Variants in AP3B1 observed in about 807,000 individuals in gnomAD.
The protein encoded by AP3B1 is AP-3 complex subunit beta-1.
Under a neutral mutation model 132.5 loss-of-function variants are expected in AP3B1, and 61 were observed. That is an observed-to-expected ratio of 0.46 (90% CI 0.37 to 0.57). The LOEUF (loss-of-function observed/expected upper bound fraction) is 0.57. Among genes scored for constraint, AP3B1 ranks in the 20% least tolerant of loss-of-function variants. AP3B1 has a pLI of 0.00. For synonymous variants in AP3B1, 388 were observed against 438.3 expected (o/e 0.89, Z 1.43); for missense variants, 1,120 against 1,289.4 (o/e 0.87, Z 2.01).
chr5:78,062,751 G>A (rs1009228317), intron 22 of AP3B1, among the ~76,000 whole-genome samples: 1 of 152,188 alleles, frequency 6.6e-6, no homozygotes. Flanking sequence ...CTTTTGGTGA[G>A]TGGCAGTTCA....
At chr5:78,168,025 A>C (rs561981881) in intron 11 of AP3B1, among the ~76,000 whole-genome samples, 7 of 151,590 alleles carry the variant, frequency 4.6e-5, no homozygotes, top group Non-Finnish European at 1.0e-4. Flanking sequence ...AAAAAAAAAA[A>C]AAACAAAAAA....
intron 22 of AP3B1, among the ~76,000 whole-genome samples, chr5:78,075,648 T>C (rs1174557660): frequency 1.3e-5 from 2 of 152,240 alleles, no homozygotes; most frequent in African/African-American, 4.8e-5. Flanking sequence ...CTACATTTGC[T>C]TTGTGGCTTT....
intron 7 of AP3B1, among the ~76,000 whole-genome samples, chr5:78,190,134 T>G (rs1744769423): frequency 6.6e-6 from 1 of 152,108 alleles, no homozygotes; most frequent in South Asian, 2.1e-4. Flanking sequence ...AAAGTTTTTA[T>G]AATGGGATTA....
At chr5:78,216,338 T>A in intron 6 of AP3B1, 101 bp from the exon 7 acceptor site, 2 of 1,066,506 alleles carry the variant, frequency 1.9e-6, no homozygotes, top group Non-Finnish European at 2.8e-6. Context: ...CAATCAGTAT[T>A]AAAGTATTCA....
chr5:78,217,125 T>G (rs1000328288), intron 6 of AP3B1, among the ~76,000 whole-genome samples: 56 of 152,176 alleles, frequency 3.7e-4, no homozygotes, highest in Non-Finnish European at 8.8e-5. Flanking sequence ...TTCACTTTAG[T>G]GTCTAAAATT....
intron 22 of AP3B1, among the ~76,000 whole-genome samples, chr5:78,070,829 G>A (rs1248006796): frequency 3.3e-5 from 5 of 151,984 alleles, no homozygotes; most frequent in East Asian, 1.9e-4. Flanking sequence ...ATCACTGATC[G>A]TTAGAGAAAT....
At chr5:78,043,779 G>A in intron 22 of AP3B1, 2 of 372,208 alleles carry the variant, frequency 5.4e-6, no homozygotes, top group South Asian at 5.0e-5. Context: ...GCCCAATCAT[G>A]GAGATATCTA....
At chr5:78,108,981 G>A (rs1482201754) in intron 20 of AP3B1, among the ~76,000 whole-genome samples, 1 of 151,918 alleles carries the variant, frequency 6.6e-6, no homozygotes, top group African/African-American at 2.4e-5. Flanking sequence ...CTTACTCTGG[G>A]TTGTATTTAC....
chr5:78,282,510 A>T (rs969691162), intron 1 of AP3B1, among the ~76,000 whole-genome samples: 2 of 152,224 alleles, frequency 1.3e-5, no homozygotes, highest in Non-Finnish European at 2.9e-5. Flanking sequence ...GTGCACATTA[A>T]AGGTACTTTG....
chr5:78,036,706 T>C (rs981189564), intron 23 of AP3B1, among the ~76,000 whole-genome samples: 12 of 152,106 alleles, frequency 7.9e-5, no homozygotes, highest in Non-Finnish European at 1.6e-4. Flanking sequence ...AAAAAAGTCA[T>C]TGCACATTAC....
intron 11 of AP3B1, among the ~76,000 whole-genome samples, chr5:78,174,042 T>G (rs1448702498): frequency 6.6e-6 from 1 of 152,214 alleles, no homozygotes; most frequent in Non-Finnish European, 1.5e-5. Context: ...ACAGGTCATT[T>G]AAGGTGTTCT....
chr5:78,022,219 G>A (rs1234936585), intron 24 of AP3B1, among the ~76,000 whole-genome samples: 3 of 152,132 alleles, frequency 2.0e-5, no homozygotes, highest in Non-Finnish European at 2.9e-5. Context: ...CCTATGTAGT[G>A]TGTGAATATC....
intron 3 of AP3B1, among the ~76,000 whole-genome samples, chr5:78,235,898 C>T (rs1746856228): frequency 6.6e-6 from 1 of 152,202 alleles, no homozygotes; most frequent in South Asian, 2.1e-4. Context: ...AGATGACGTA[C>T]AGCTCACCTG....
At chr5:78,283,296 T>C (rs74564020) in intron 1 of AP3B1, among the ~76,000 whole-genome samples, 3,415 of 152,274 alleles carry the variant, frequency 0.022, 130 homozygotes, top group African/African-American at 0.075. Context: ...CTAACCGTCA[T>C]ACCACACTGT....
At chr5:78,095,865 G>A (rs1049545359) in intron 21 of AP3B1, among the ~76,000 whole-genome samples, 1 of 152,158 alleles carries the variant, frequency 6.6e-6, no homozygotes, top group Non-Finnish European at 1.5e-5. Context: ...TAAAGAAATA[G>A]CACTTGGGTA....
chr5:78,119,028 T>C (rs1365184966), intron 17 of AP3B1, among the ~76,000 whole-genome samples: 4 of 152,170 alleles, frequency 2.6e-5, no homozygotes, highest in African/African-American at 9.7e-5. Context: ...ATATCCGCTG[T>C]TCTATAGCCA....
intron 2 of AP3B1, among the ~76,000 whole-genome samples, chr5:78,259,246 C>CA (rs58069551): frequency 0.2 from 23,071 of 114,400 alleles, 2,265 homozygotes; most frequent in Admixed American, 0.3. Context: ...GACTCCATCT[C>CA]AAAAAAAAAA....
intron 25 of AP3B1, among the ~76,000 whole-genome samples, chr5:78,018,671 AACACACACACACAC>A (rs3050070): frequency 2.0e-5 from 3 of 146,576 alleles, no homozygotes; most frequent in Admixed American, 1.4e-4. Context: ...AAGCTGGTGT[AACACACACACACAC>A]ACACACACAC....
chr5:78,122,095 C>G (rs916893273), intron 17 of AP3B1, among the ~76,000 whole-genome samples: 1 of 151,886 alleles, frequency 6.6e-6, no homozygotes, highest in African/African-American at 2.4e-5. Flanking sequence ...AAGACAAAAA[C>G]CACATGATTA....
Sources: gnomAD v4.1 joint callset for allele counts (sites outside exome capture counted in the v4.1 genomes callset) on GRCh38, gnomAD v4.1.1 for gene constraint, MANE v1.5 for transcripts, NCBI Gene and HGNC (gene_info 2026-07-23, HGNC 2026-07-21) for gene names.